STIM1: variants seen among roughly 807,000 people sequenced by gnomAD.
STIM1 encodes the protein stromal interaction molecule 1.
Under a neutral mutation model 74.7 loss-of-function variants are expected in STIM1, and 25 were observed. That is an observed-to-expected ratio of 0.33 (90% CI 0.24 to 0.47). The LOEUF (loss-of-function observed/expected upper bound fraction) is 0.47. STIM1 is among the 20% of genes least tolerant of loss of function. The pLI, the probability that STIM1 is intolerant of heterozygous loss-of-function variation, is 1.00. For missense variants in STIM1, 728 were observed against 920.8 expected, an observed-to-expected ratio of 0.79 and a Z score of 2.71; for synonymous variants, 328 against 348.8, an observed-to-expected ratio of 0.94 and a Z score of 0.66.
intron 3 of STIM1, among the ~76,000 whole-genome samples, chr11:4,044,611 G>C (rs2094175952): frequency 6.6e-6 from 1 of 152,134 alleles, no homozygotes; most frequent in South Asian, 2.1e-4. Flanking sequence ...ACCCTACCTA[G>C]ATAGGGCATC....
chr11:4,083,042 A>AT, intron 9 of STIM1, 60 bp downstream of exon 9: 1 of 1,447,418 alleles, frequency 6.9e-7, no homozygotes, highest in East Asian at 2.3e-5. Flanking sequence ...ATTTGAGGGC[A>AT]TACAGGGCCT....
At chr11:4,049,761 CACAT>C (rs1364764888) in intron 3 of STIM1, among the ~76,000 whole-genome samples, 1,043 of 85,800 alleles carry the variant, frequency 0.012, 21 homozygotes, top group South Asian at 0.025. Context: ...CACACACACA[CACAT>C]GCTTAGAACG....
chr11:4,070,357 G>A (rs1357972569), intron 6 of STIM1, among the ~76,000 whole-genome samples, 154 bp downstream of exon 6: 1 of 152,230 alleles, frequency 6.6e-6, no homozygotes, highest in South Asian at 2.1e-4. Context: ...AGTTTAGGTT[G>A]CTGATATTCC....
chr11:3,867,033 A>G (rs910686104), intron 1 of STIM1: 7 of 152,222 alleles, frequency 4.6e-5, no homozygotes, highest in African/African-American at 1.4e-4. Flanking sequence ...ATGAATAACA[A>G]TGAATTGATC....
intron 1 of STIM1, among the ~76,000 whole-genome samples, chr11:3,961,085 T>G (rs1477211686): frequency 6.6e-6 from 1 of 151,880 alleles, no homozygotes; most frequent in Non-Finnish European, 1.5e-5. Flanking sequence ...TCATTGCAGC[T>G]TCAACATCCT....
chr11:4,029,621 G>T (rs368143927), intron 3 of STIM1, among the ~76,000 whole-genome samples: 2 of 151,636 alleles, frequency 1.3e-5, no homozygotes, highest in African/African-American at 4.9e-5. Flanking sequence ...CAGAGTGTGC[G>T]TGTGTATGTG....
chr11:4,067,332 T>A (rs2094374238), intron 5 of STIM1, among the ~76,000 whole-genome samples: 1 of 152,198 alleles, frequency 6.6e-6, no homozygotes, highest in African/African-American at 2.4e-5. Context: ...TTGTGTTTAA[T>A]CTTAAGGCCT....
intron 1 of STIM1, 100 bp from the exon 2 acceptor site, chr11:3,967,452 T>G: frequency 6.3e-7 from 1 of 1,583,508 alleles, no homozygotes; most frequent in Non-Finnish European, 8.7e-7. Flanking sequence ...AGTGCCTACA[T>G]GAGGAGTCAG....
Position 3,895,743 on chromosome 11 carries a change from T to TTC in STIM1, c.139+39334_139+39335insTC, listed in dbSNP as rs2092121817. ...CTTTCTTTCTTTCTTTCTTTTTCTT[T>TTC]CTTCCTTCCTTCCTTCCTTCCTTCC... is the stretch of plus-strand genomic sequence containing the variant. On this transcript the variant is annotated intron_variant, in intron 1 of 12. Transcript: ENST00000526596. 1.2e-3 allele frequency among the ~76,000 whole-genome samples: 43 copies of TTC among 34,518 alleles called. 1 individual carries two copies. Among genetic ancestry groups the TTC allele is most frequent in the East Asian group, 0.011 (11 of 958 alleles). 22.6% of individuals were successfully genotyped at this position (34,518 alleles called of 152,430 possible). A position where few individuals can be genotyped will look rare whatever the true frequency, so the allele number is the denominator to read the frequency against.
At chr11:3,873,437 A>T (rs2091199190) in intron 1 of STIM1, among the ~76,000 whole-genome samples, 1 of 150,898 alleles carries the variant, frequency 6.6e-6, no homozygotes. Flanking sequence ...AAAAAAAAAA[A>T]TTAAAAACTT....
At chr11:4,089,868 C>T (rs1265518928) in intron 12 of STIM1, among the ~76,000 whole-genome samples, 1 of 152,164 alleles carries the variant, frequency 6.6e-6, no homozygotes, top group Non-Finnish European at 1.5e-5. Flanking sequence ...CCTTAGGTCT[C>T]TCCTCTGCTT....
chr11:4,024,941 A>C (rs2093986908), intron 3 of STIM1, among the ~76,000 whole-genome samples: 1 of 152,184 alleles, frequency 6.6e-6, no homozygotes, highest in Non-Finnish European at 1.5e-5. Context: ...GACTAGAAGA[A>C]ATCTCTCTTC....
chr11:4,011,513 T>A (rs2093835847), intron 2 of STIM1, among the ~76,000 whole-genome samples: 1 of 152,234 alleles, frequency 6.6e-6, no homozygotes, highest in African/African-American at 2.4e-5. Context: ...GTTGGCTGCA[T>A]AAATGTCTTC....
Position 4,091,334 on chromosome 11 carries a change from C to T in STIM1, c.1687C>T (p.Arg563Cys), listed in dbSNP as rs202166909. The change falls in exon 13 of 13, where the codon CGT (arginine) becomes TGT (cysteine). Residue 563 changes from arginine (R) to cysteine (C), a missense_variant. By Grantham distance (180) the Arg-to-Cys change is radical. Coordinates refer to ENST00000526596, the MANE Select transcript of STIM1 (RefSeq NM_001382567.1). Reference sequence around the variant, plus strand: ...CTCCCTCCACATGAGTGACCGCCAGCGTGTGGCCCCCAAACCTCCTCAGAT... The same window carrying T: ...CTCCCTCCACATGAGTGACCGCCAGTGTGTGGCCCCCAAACCTCCTCAGAT... ...ESSLHMSDRQ[R>C]VAPKPPQMSR... is the part of the protein sequence containing the mutation. 10 of 1,614,114 alleles carry T rather than the reference C, an allele frequency of 6.2e-6. No homozygotes were observed. Among genetic ancestry groups the T allele is most frequent in the Middle Eastern group, 1.6e-4 (1 of 6,084 alleles).
intron 3 of STIM1, among the ~76,000 whole-genome samples, chr11:4,041,595 A>G (rs1389071053): frequency 6.6e-6 from 1 of 152,064 alleles, no homozygotes; most frequent in Non-Finnish European, 1.5e-5. Context: ...ACCTGGTTTC[A>G]AAGTTCACAT....
At chr11:3,944,856 C>T (rs1465333497) in intron 1 of STIM1, among the ~76,000 whole-genome samples, 1 of 152,202 alleles carries the variant, frequency 6.6e-6, no homozygotes, top group Non-Finnish European at 1.5e-5. Flanking sequence ...TTTCCTATCT[C>T]TAGAGGAATC....
chr11:3,978,586 C>T (rs544179668), intron 2 of STIM1, among the ~76,000 whole-genome samples: 2 of 151,696 alleles, frequency 1.3e-5, no homozygotes, highest in South Asian at 4.2e-4. Flanking sequence ...CATGGTGAAA[C>T]CCCGTCTCTA....
chr11:3,912,155 C>T (rs1459902718), intron 1 of STIM1, among the ~76,000 whole-genome samples: 2 of 112,874 alleles, frequency 1.8e-5, no homozygotes, highest in Non-Finnish European at 3.7e-5. Context: ...TCCTCCCCTC[C>T]CTTCTCCCCT....
chr11:3,984,056 G>A (rs921307184), intron 2 of STIM1, among the ~76,000 whole-genome samples: 1 of 151,902 alleles, frequency 6.6e-6, no homozygotes, highest in Admixed American at 6.6e-5. Flanking sequence ...GAGTAGAGAC[G>A]GGGTTTCATA....
Sources: gnomAD v4.1 joint callset for allele counts (sites outside exome capture counted in the v4.1 genomes callset) on GRCh38, gnomAD v4.1.1 for gene constraint, MANE v1.5 for transcripts, NCBI Gene and HGNC (gene_info 2026-07-23, HGNC 2026-07-21) for gene names.